The following EPHB2 variants were observed in gnomAD, a reference collection of about 807,000 sequenced individuals.
The protein encoded by EPHB2 is EPH receptor B2.
A neutral mutation model predicts 96.4 loss-of-function variants in EPHB2; 18 were observed. That is an observed-to-expected ratio of 0.19 (90% CI 0.13 to 0.28). The LOEUF (loss-of-function observed/expected upper bound fraction) is 0.28, where lower values mean the gene tolerates loss of function less well. Ranked by LOEUF, EPHB2 falls within the 10% of genes least tolerant of loss-of-function variation. The pLI is 1.00. For synonymous variants in EPHB2, 506 were observed against 534.1 expected, an observed-to-expected ratio of 0.95 and a Z score of 0.72; for missense variants, 989 against 1,355.4, an observed-to-expected ratio of 0.73 and a Z score of 4.25.
intron 3 of EPHB2, among the ~76,000 whole-genome samples, chr1:22,819,250 T>TCTCTCTCTCTCG (rs1645118734): frequency 6.9e-6 from 1 of 145,492 alleles, no homozygotes; most frequent in Non-Finnish European, 1.5e-5. Flanking sequence ...TCTCTCTCTC[T>TCTCTCTCTCTCG]GCTGGTCTTT....
rs889729476 is a variant in EPHB2, at chr1:22,906,404, T to G, written c.1888+295T>G. Among the ~76,000 whole-genome samples the G allele has an allele frequency of 6.6e-6, 1 of 152,150 alleles. No individual in the cohort carries two copies. Among genetic ancestry groups the G allele is most frequent in the Non-Finnish European group, 1.5e-5 (1 of 68,036 alleles). ...CTCTGGACTCTTGGTCCAGTGCTTT[T>G]CCTTCCTCCCCCCATGTATCCCAGT... On this transcript the variant is annotated intron_variant, in intron 10 of 15. Transcript: ENST00000374630. This position sits in a 1 kb window ranked among gnomAD's most constrained non-coding sequence, Gnocchi z 4.8.
intron 5 of EPHB2, among the ~76,000 whole-genome samples, chr1:22,879,229 G>A (rs925935110): frequency 6.6e-6 from 1 of 151,996 alleles, no homozygotes; most frequent in Admixed American, 6.5e-5. Flanking sequence ...AGACCCAGTG[G>A]TCAGCCCCTG....
intron 9 of EPHB2, among the ~76,000 whole-genome samples, chr1:22,899,045 T>G (rs1639664205): frequency 6.6e-6 from 1 of 151,086 alleles, no homozygotes; most frequent in African/African-American, 2.4e-5. Flanking sequence ...AATACAAAAT[T>G]AGCCGGGTGT....
rs146476292 is a variant in EPHB2 at position 22,858,233 on chromosome 1, A to AG, written c.812-4799dup. Among the ~76,000 whole-genome samples, 1 of 152,000 alleles carries AG rather than the reference A, an allele frequency of 6.6e-6. No individual in the cohort carries two copies. Among genetic ancestry groups the AG allele is most frequent in the African/African-American group, 2.4e-5 (1 of 41,414 alleles). ...CAGGAGCGCAGTGAGTGAGAGGAGG[A>AG]GGGGGAAGCGTCCAGGAGACCATCA... is the stretch of plus-strand genomic sequence containing the variant. On this transcript the variant is annotated intron_variant, in intron 3 of 15. Coordinates refer to ENST00000374630, the MANE Select transcript of EPHB2 (RefSeq NM_017449.5). The surrounding 1 kb of genome is among the most constrained non-coding windows in gnomAD (Gnocchi z 7.7).
At chr1:22,845,761 C>G (rs1327285057) in intron 3 of EPHB2, among the ~76,000 whole-genome samples, 1 of 152,018 alleles carries the variant, frequency 6.6e-6, no homozygotes, top group Non-Finnish European at 1.5e-5. Context: ...CAGCCCCAGG[C>G]CCTATAAACA....
chr1:22,855,352 C>T (rs1274179541), intron 3 of EPHB2, among the ~76,000 whole-genome samples: 1 of 152,226 alleles, frequency 6.6e-6, no homozygotes, highest in Non-Finnish European at 1.5e-5. Context: ...GCTGGCTGCA[C>T]TTCAAACCTG....
intron 9 of EPHB2, among the ~76,000 whole-genome samples, chr1:22,898,117 T>G (rs1570454835): frequency 1.4e-5 from 1 of 69,634 alleles, no homozygotes; most frequent in Non-Finnish European, 2.4e-5. Context: ...AGACCCAGTC[T>G]CAAAAAAAAA....
intron 1 of EPHB2, among the ~76,000 whole-genome samples, chr1:22,711,323 G>T (rs1177716173): frequency 6.8e-6 from 1 of 147,838 alleles, no homozygotes; most frequent in Non-Finnish European, 1.5e-5. Context: ...AGGGCTGGGG[G>T]CTGCCCACGC....
chr1:22,741,829 A>G (rs934092602), intron 1 of EPHB2, among the ~76,000 whole-genome samples: 1 of 151,834 alleles, frequency 6.6e-6, no homozygotes, highest in Non-Finnish European at 1.5e-5. Context: ...TGTCTCGGGG[A>G]TGGGCTTTAT....
In EPHB2 at chr1:22,906,751, G is replaced by T. The variant is rs751002092; in HGVS notation, c.1930G>T (p.Gly644Cys). 1.4e-5 allele frequency: 22 copies of T among 1,614,094 alleles called. No homozygotes were observed. Among genetic ancestry groups the T allele is most frequent in the Non-Finnish European group, 1.8e-5 (21 of 1,180,054 alleles). The change falls in exon 11 of 16, where the codon GGC becomes TGC. Residue 644 changes from glycine to cysteine, a missense_variant. Gly to Cys is a radical substitution (Grantham distance 159, BLOSUM62 -3). Coordinates refer to ENST00000374630, the MANE Select transcript of EPHB2 (RefSeq NM_017449.5). This position sits in a 1 kb window ranked among gnomAD's most constrained non-coding sequence, Gnocchi z 4.8. ...CTGCAGTGGCCACCTGAAGCTGCCA[G>T]GCAAGAGAGAGATCTTTGTGGCCAT... is the stretch of plus-strand genomic sequence containing the variant. Reference protein sequence around the residue: ...EVCSGHLKLPGKREIFVAIKT... With the variant: ...EVCSGHLKLPCKREIFVAIKT...
chr1:22,905,502 A>G (rs1175947046), intron 9 of EPHB2, among the ~76,000 whole-genome samples: 2 of 152,060 alleles, frequency 1.3e-5, no homozygotes, highest in Non-Finnish European at 2.9e-5. Flanking sequence ...GCCTGGAGAG[A>G]CAAGGAGGAG....
chr1:22,779,624 T>G (rs1197615400), intron 1 of EPHB2, among the ~76,000 whole-genome samples: 1 of 152,178 alleles, frequency 6.6e-6, no homozygotes, highest in Non-Finnish European at 1.5e-5. Context: ...ATCAAACTAA[T>G]TGTTTCAAGT....
intron 9 of EPHB2, among the ~76,000 whole-genome samples, chr1:22,897,291 C>G (rs932533403): frequency 4.6e-5 from 7 of 152,288 alleles, no homozygotes; most frequent in African/African-American, 1.7e-4. Flanking sequence ...AACCTTAGTC[C>G]TTACTTCAGC....
At chr1:22,724,799 G>C (rs1435972496) in intron 1 of EPHB2, among the ~76,000 whole-genome samples, 1 of 152,138 alleles carries the variant, frequency 6.6e-6, no homozygotes, top group Non-Finnish European at 1.5e-5. Context: ...GGTGGACTTG[G>C]AAAAACTGGG....
At chr1:22,896,620 T>C in intron 9 of EPHB2, 142 bp downstream of exon 9, 1 of 1,119,700 alleles carries the variant, frequency 8.9e-7, no homozygotes, top group South Asian at 1.3e-5. Context: ...CTAAGCTCAC[T>C]CTCACCTCTA....
At position 22,784,384 on chromosome 1, in the gene EPHB2, A is replaced by G; in HGVS notation, c.127-8A>G. 6.2e-7 allele frequency: 1 copy of G among 1,613,838 alleles called. No individual in the cohort carries two copies. The highest frequency in any genetic ancestry group is 2.2e-5 in the East Asian group (1 of 44,870). On this transcript the variant is annotated splice_region_variant and splice_polypyrimidine_tract_variant and intron_variant, in intron 2 of 15. Coordinates refer to ENST00000374630, the MANE Select transcript of EPHB2 (RefSeq NM_017449.5). The surrounding 1 kb of genome is among the most constrained non-coding windows in gnomAD (Gnocchi z 5.1). ...TACCTCCCCACCTGACGAGCATTTT[A>G]CCCACAGTGGGAAGAGGTGAGTGGC...
At chr1:22,883,178 C>T (rs1284665705) in intron 6 of EPHB2, among the ~76,000 whole-genome samples, 4 of 152,214 alleles carry the variant, frequency 2.6e-5, no homozygotes, top group African/African-American at 9.6e-5. Context: ...TGAGACCCCT[C>T]GCGGGGAGCT....
chr1:22,867,853 C>A (rs1224627195), intron 5 of EPHB2, among the ~76,000 whole-genome samples: 1 of 152,072 alleles, frequency 6.6e-6, no homozygotes, highest in Non-Finnish European at 1.5e-5. Flanking sequence ...GCCTGAATGA[C>A]AAAGCGAGAT....
intron 7 of EPHB2, 24 bp from the exon 8 acceptor site, chr1:22,895,448 T>C (rs374301208): frequency 1.2e-6 from 2 of 1,607,444 alleles, no homozygotes; most frequent in Non-Finnish European, 1.7e-6. Context: ...AGGCTGAGAA[T>C]GCCCTACCAT....
Sources: allele counts gnomAD v4.1 joint callset (sites outside exome capture counted in the v4.1 genomes callset), GRCh38; gene constraint gnomAD v4.1.1; non-coding constraint Gnocchi (gnomAD v3.1); transcripts MANE v1.5; gene names NCBI Gene and HGNC (gene_info 2026-07-23, HGNC 2026-07-21).